Variants in IRAK1BP1 observed in about 807,000 individuals in gnomAD.
IRAK1BP1 encodes interleukin-1 receptor-associated kinase 1-binding protein 1.
IRAK1BP1 carries 24 observed loss-of-function variants against 28.0 expected under a neutral mutation model. The observed-to-expected ratio is 0.86, with a 90% CI of 0.62 to 1.20. The LOEUF (loss-of-function observed/expected upper bound fraction) is 1.20. Ranked by LOEUF, IRAK1BP1 falls within the 50% of genes most tolerant of loss-of-function variation. The pLI is 0.00. For synonymous variants in IRAK1BP1, 131 were observed against 116.3 expected, an observed-to-expected ratio of 1.13 and a Z score of -0.81; for missense variants, 336 against 316.7, an observed-to-expected ratio of 1.06 and a Z score of -0.46.
At chr6:78,952,320 G>C in the IRAK1BP1 span, among the ~76,000 whole-genome samples, 2 of 151,062 alleles carry the variant, frequency 1.3e-5, no homozygotes, top group Non-Finnish European at 2.9e-5. Flanking sequence ...TCGTGAGGCC[G>C]AGGCAGGAGA....
intron 4 of IRAK1BP1, among the ~76,000 whole-genome samples, chr6:78,913,298 G>T (rs1171400896): frequency 1.3e-5 from 2 of 150,790 alleles, no homozygotes; most frequent in African/African-American, 4.9e-5. Context: ...TCACACCACT[G>T]CACTCCAGCC....
At chr6:78,893,778 C>T (rs1771772729) in intron 2 of IRAK1BP1, among the ~76,000 whole-genome samples, 1 of 152,034 alleles carries the variant, frequency 6.6e-6, no homozygotes, top group Admixed American at 6.6e-5. Context: ...GTGGTCACGC[C>T]TGTAGTCCCA....
At chr6:78,884,400 A>C (rs1255037761) in intron 1 of IRAK1BP1, among the ~76,000 whole-genome samples, 14 of 152,168 alleles carry the variant, frequency 9.2e-5, no homozygotes, top group Admixed American at 9.2e-4. Context: ...GAAGATTTTA[A>C]TCACTGAATT....
At chr6:78,954,150 G>A in the IRAK1BP1 span, among the ~76,000 whole-genome samples, 1 of 152,114 alleles carries the variant, frequency 6.6e-6, no homozygotes, top group Non-Finnish European at 1.5e-5. Flanking sequence ...CGCCCAGGCT[G>A]GAGTACGGCA....
the IRAK1BP1 span, among the ~76,000 whole-genome samples, chr6:78,971,687 G>A: frequency 2.0e-5 from 3 of 152,234 alleles, no homozygotes; most frequent in Non-Finnish European, 2.9e-5. Context: ...TGTGCGAGCC[G>A]AAGTAGGGTG....
intron 1 of IRAK1BP1, 55 bp downstream of exon 1, chr6:78,867,946 G>A: frequency 6.1e-6 from 9 of 1,478,892 alleles, no homozygotes; most frequent in Non-Finnish European, 8.1e-6. Flanking sequence ...AGGGTTGGCA[G>A]ATGGTCGGGC....
chr6:78,918,210 T>C (rs1195927510), intron 4 of IRAK1BP1, among the ~76,000 whole-genome samples: 2 of 152,116 alleles, frequency 1.3e-5, no homozygotes, highest in African/African-American at 2.4e-5. Context: ...GGTAGAAGGA[T>C]TGCATGAGCC....
the IRAK1BP1 span, among the ~76,000 whole-genome samples, chr6:78,966,354 CATT>C: frequency 6.6e-6 from 1 of 152,184 alleles, no homozygotes; most frequent in Non-Finnish European, 1.5e-5. Context: ...TGAAATTCAT[CATT>C]AACACTATAC....
chr6:78,958,621 A>G, the IRAK1BP1 span: 11 of 1,440,526 alleles, frequency 7.6e-6, no homozygotes, highest in African/African-American at 1.4e-4. Flanking sequence ...CAAAATATAG[A>G]AGTTTTAACT....
At chr6:78,933,149 CTT>C (rs1281843940) in intron 4 of IRAK1BP1, among the ~76,000 whole-genome samples, 1 of 152,126 alleles carries the variant, frequency 6.6e-6, no homozygotes, top group Non-Finnish European at 1.5e-5. Flanking sequence ...TAGGCATTGA[CTT>C]CTCTCTAGCT....
chr6:78,886,465 A>G (rs777157498), intron 2 of IRAK1BP1, among the ~76,000 whole-genome samples: 5 of 152,210 alleles, frequency 3.3e-5, no homozygotes, highest in Non-Finnish European at 7.3e-5. Flanking sequence ...CTTATTTCGT[A>G]GTAGTAGGAA....
chr6:78,945,281 G>C, intron 4 of IRAK1BP1: 2 of 1,533,600 alleles, frequency 1.3e-6, no homozygotes, highest in Non-Finnish European at 1.8e-6. Flanking sequence ...TATCTTGAAA[G>C]ATACAAGTAA....
the IRAK1BP1 span, among the ~76,000 whole-genome samples, chr6:78,968,048 T>A: frequency 6.6e-6 from 1 of 151,984 alleles, no homozygotes; most frequent in Non-Finnish European, 1.5e-5. Context: ...TGAGGTAGAA[T>A]GGTGTGAACC....
At chr6:78,954,748 C>A in the IRAK1BP1 span, 2 of 938,616 alleles carry the variant, frequency 2.1e-6, no homozygotes, top group Non-Finnish European at 3.1e-6. Flanking sequence ...ACTAAAATAG[C>A]CAACTGTCAT....
Position 78,868,920 on chromosome 6 carries a change from C to T in IRAK1BP1, c.315+1029C>T, listed in dbSNP as rs117836512. ...GTAAAAGTGCAGGCATTGTTACTTCCAGTCTATTGCAAGAAATTCCATACC... is the reference window on the plus strand; with the variant it reads ...GTAAAAGTGCAGGCATTGTTACTTCTAGTCTATTGCAAGAAATTCCATACC... On this transcript the variant is annotated intron_variant, in intron 1 of 3. Coordinates refer to ENST00000369940, the MANE Select transcript of IRAK1BP1 (RefSeq NM_001010844.4). Among the ~76,000 whole-genome samples the T allele has an allele frequency of 9.5e-4, 145 of 152,272 alleles. 1 individual carries two copies. In the East Asian group the frequency reaches 0.025, roughly 26 times the overall value.
intron 4 of IRAK1BP1, among the ~76,000 whole-genome samples, chr6:78,912,187 C>T (rs1772445001): frequency 6.6e-6 from 1 of 151,704 alleles, no homozygotes; most frequent in African/African-American, 2.4e-5. Flanking sequence ...TTTATTTTTC[C>T]TGGAAAAGTT....
chr6:78,892,711 G>A (rs1172732086), intron 2 of IRAK1BP1, among the ~76,000 whole-genome samples: 1 of 152,010 alleles, frequency 6.6e-6, no homozygotes, highest in Non-Finnish European at 1.5e-5. Flanking sequence ...GTTAAGGAGG[G>A]ATGTGCAAGA....
At chr6:78,963,062 C>T in the IRAK1BP1 span, 3 of 1,526,620 alleles carry the variant, frequency 2.0e-6, no homozygotes, top group East Asian at 2.4e-5. Context: ...TGTGTTCTGC[C>T]AGTTTTTTCT....
intron 4 of IRAK1BP1, among the ~76,000 whole-genome samples, chr6:78,915,068 C>T (rs2127663194): frequency 6.6e-6 from 1 of 152,298 alleles, no homozygotes; most frequent in Admixed American, 6.5e-5. Context: ...GATCCACCCA[C>T]CTCAGCCTCC....
Sources: gnomAD v4.1 joint callset for allele counts (sites outside exome capture counted in the v4.1 genomes callset) on GRCh38, gnomAD v4.1.1 for gene constraint, MANE v1.5 for transcripts, NCBI Gene and HGNC (gene_info 2026-07-23, HGNC 2026-07-21) for gene names.